Variants in DPP10 observed in about 807,000 individuals in gnomAD.
DPP10 encodes the protein dipeptidyl peptidase like 10.
A neutral mutation model predicts 120.9 loss-of-function variants in DPP10; 33 were observed. That is an observed-to-expected ratio of 0.27 (90% CI 0.21 to 0.37). The LOEUF (loss-of-function observed/expected upper bound fraction) is 0.37, where lower values mean the gene tolerates loss of function less well. DPP10 is among the 10% of genes least tolerant of loss of function. The pLI is 1.00. For synonymous variants in DPP10, 337 were observed against 326.1 expected (o/e 1.03, Z -0.36); for missense variants, 816 against 942.8 (o/e 0.87, Z 1.76).
At chr2:115,520,940 C>G (rs2077767125) in intron 4 of DPP10, among the ~76,000 whole-genome samples, 1 of 152,108 alleles carries the variant, frequency 6.6e-6, no homozygotes, top group South Asian at 2.1e-4. Flanking sequence ...AATTGCAGTT[C>G]CAAACAACCT....
chr2:115,574,822 G>T (rs758057436), intron 5 of DPP10, among the ~76,000 whole-genome samples: 2 of 152,130 alleles, frequency 1.3e-5, no homozygotes, highest in African/African-American at 2.4e-5. Context: ...CTCTCACATT[G>T]TCCCCTTGAT....
At position 115,428,761 on chromosome 2, in the gene DPP10, T is replaced by C. The variant is rs1161482106; in HGVS notation, c.272-70749T>C. ...TCCTCAGCAAGGCCATTTTTAGACT[T>C]TCTGCAGAAAGGATACACTCGCCAG... On this transcript the variant is annotated intron_variant, in intron 3 of 25. Transcript: ENST00000410059. Among the ~76,000 whole-genome samples, 3 of 152,160 alleles carry C rather than the reference T, an allele frequency of 2.0e-5. No homozygotes were observed. The East Asian group carries it at 5.8e-4, about 29-fold the overall frequency.
chr2:115,276,663 G>T (rs1415202591), intron 1 of DPP10, among the ~76,000 whole-genome samples: 3 of 152,176 alleles, frequency 2.0e-5, no homozygotes, highest in Non-Finnish European at 4.4e-5. Context: ...ATTACTCTGA[G>T]AATTTTGTAA....
chr2:115,686,893 G>A (rs963891689), intron 5 of DPP10, among the ~76,000 whole-genome samples: 1 of 152,004 alleles, frequency 6.6e-6, no homozygotes, highest in African/African-American at 2.4e-5. Flanking sequence ...AGGTCTCTCA[G>A]ATGCTCAGTT....
intron 1 of DPP10, among the ~76,000 whole-genome samples, chr2:114,909,237 A>G (rs1030554453): frequency 1.3e-5 from 2 of 152,042 alleles, no homozygotes; most frequent in African/African-American, 4.8e-5. Flanking sequence ...CTAATGATTA[A>G]CACATGGATA....
At chr2:115,696,271 A>T (rs569623582) in intron 7 of DPP10, among the ~76,000 whole-genome samples, 39 of 152,246 alleles carry the variant, frequency 2.6e-4, no homozygotes, top group Non-Finnish European at 4.4e-5. Flanking sequence ...TCCAAATAGG[A>T]TGAACTCAGA....
chr2:114,703,644 T>A (rs1362107787), intron 1 of DPP10, among the ~76,000 whole-genome samples: 1 of 152,168 alleles, frequency 6.6e-6, no homozygotes, highest in East Asian at 1.9e-4. Context: ...TTTAGCTTGA[T>A]GTCCATAGGA....
intron 1 of DPP10, among the ~76,000 whole-genome samples, chr2:114,464,967 C>T (rs1679232060): frequency 6.6e-6 from 1 of 152,158 alleles, no homozygotes; most frequent in Non-Finnish European, 1.5e-5. Flanking sequence ...TTTCCCCGTT[C>T]TCCATAAAAT....
At chr2:115,417,918 CA>C in intron 3 of DPP10, among the ~76,000 whole-genome samples, 1 of 151,454 alleles carries the variant, frequency 6.6e-6, no homozygotes, top group African/African-American at 2.4e-5. Context: ...TCATTACCTC[CA>C]GAATAATAGT....
chr2:115,405,864 C>T (rs920937009), intron 3 of DPP10, among the ~76,000 whole-genome samples: 1 of 152,128 alleles, frequency 6.6e-6, no homozygotes, highest in Admixed American at 6.5e-5. Flanking sequence ...AACATTCCAC[C>T]CTTGGAGACC....
chr2:114,682,529 T>G (rs904710580), intron 1 of DPP10, among the ~76,000 whole-genome samples: 5 of 151,740 alleles, frequency 3.3e-5, no homozygotes, highest in African/African-American at 9.7e-5. Context: ...TAGCTAGAGA[T>G]GTTGACCCAG....
At chr2:115,047,810 A>G (rs1573424171) in intron 1 of DPP10, among the ~76,000 whole-genome samples, 1 of 152,076 alleles carries the variant, frequency 6.6e-6, no homozygotes, top group South Asian at 2.1e-4. Context: ...GCTGATTCTC[A>G]CCTACACCAG....
At chr2:115,556,304 A>G (rs182476003) in intron 5 of DPP10, among the ~76,000 whole-genome samples, 55 of 151,472 alleles carry the variant, frequency 3.6e-4, no homozygotes, top group African/African-American at 1.2e-3. Flanking sequence ...ATGACTTTGA[A>G]TGCAGCCCAA....
At chr2:115,055,082 G>T (rs1449806602) in intron 1 of DPP10, among the ~76,000 whole-genome samples, 2 of 151,872 alleles carry the variant, frequency 1.3e-5, no homozygotes, top group Non-Finnish European at 2.9e-5. Flanking sequence ...TTGTTTATTT[G>T]TATGGTGCCT....
chr2:115,622,840 TTTTTTTG>T (rs1380957340), intron 5 of DPP10, among the ~76,000 whole-genome samples: 15 of 143,838 alleles, frequency 1.0e-4, no homozygotes, highest in African/African-American at 3.8e-4. Context: ...TTTTTTTTTT[TTTTTTTG>T]TTTTTTGTTT....
intron 1 of DPP10, among the ~76,000 whole-genome samples, chr2:114,986,006 A>G (rs1362483376): frequency 2.6e-5 from 4 of 152,238 alleles, no homozygotes; most frequent in Non-Finnish European, 5.9e-5. Flanking sequence ...AACTAAAGAT[A>G]TACTTTGTGA....
chr2:115,815,637 C>G (rs1687141246), intron 20 of DPP10, 38 bp from the exon 21 acceptor site: 1 of 1,547,772 alleles, frequency 6.5e-7, no homozygotes, highest in Admixed American at 1.9e-5. Flanking sequence ...GCATTTAACT[C>G]ACAAAGATAT....
intron 1 of DPP10, among the ~76,000 whole-genome samples, chr2:114,470,428 G>A (rs955383186): frequency 6.6e-6 from 1 of 152,138 alleles, no homozygotes; most frequent in Non-Finnish European, 1.5e-5. Flanking sequence ...CTAATTTAAA[G>A]CTGAAGTTTC....
chr2:115,004,800 C>T (rs1386340944), intron 1 of DPP10, among the ~76,000 whole-genome samples: 1 of 152,162 alleles, frequency 6.6e-6, no homozygotes, highest in African/African-American at 2.4e-5. Flanking sequence ...GAGGGGCGCC[C>T]ACCATTGCCC....
Sources: allele counts gnomAD v4.1 joint callset (sites outside exome capture counted in the v4.1 genomes callset), GRCh38; gene constraint gnomAD v4.1.1; transcripts MANE v1.5; gene names NCBI Gene and HGNC (gene_info 2026-07-23, HGNC 2026-07-21).